Variants in TTC39B observed in about 807,000 individuals in gnomAD.
TTC39B encodes the protein tetratricopeptide repeat domain 39B.
A neutral mutation model predicts 96.6 loss-of-function variants in TTC39B; 92 were observed. The observed-to-expected ratio is 0.95, with a 90% CI of 0.80 to 1.13. The LOEUF is 1.13. Among genes scored for constraint, TTC39B ranks in the 50% most tolerant of loss-of-function variants. The probability of loss-of-function intolerance (pLI) is 0.00; values close to 1 mark genes in which losing one functional copy is unlikely to be tolerated. For missense variants in TTC39B, 955 were observed against 809.3 expected (o/e 1.18, Z -2.18); for synonymous variants, 367 against 299.4 (o/e 1.23, Z -2.33).
At chr9:15,303,926 C>T (rs1278073435) in intron 1 of TTC39B, among the ~76,000 whole-genome samples, 1 of 152,218 alleles carries the variant, frequency 6.6e-6, no homozygotes, top group South Asian at 2.1e-4. Context: ...TGAGCCACCA[C>T]ACCTGGCCTC....
In TTC39B at chr9:15,226,021, T is replaced by C; in HGVS notation, c.276-9A>G. 1 of 1,612,320 alleles carries C rather than the reference T, an allele frequency of 6.2e-7. No individual in the cohort carries two copies. Among genetic ancestry groups the C allele is most frequent in the South Asian group, 1.1e-5 (1 of 91,034 alleles). On this transcript the variant is annotated splice_polypyrimidine_tract_variant and intron_variant, in intron 2 of 19. Transcript: ENST00000512701. ...TATCTGAGTGAGAAGATCTGTTAAT[T>C]AAAAAGGCAGAGCAAGGTTTTTTAT...
At chr9:15,182,371 T>C in exon 17 of TTC39B, 3 of 1,612,222 alleles carry the variant, frequency 1.9e-6, no homozygotes, top group Non-Finnish European at 2.5e-6. Context: ...AAAGGTCTTT[T>C]CTTTTGCTCA....
At chr9:15,295,440 C>T (rs987978657) in intron 1 of TTC39B, among the ~76,000 whole-genome samples, 1 of 152,228 alleles carries the variant, frequency 6.6e-6, no homozygotes, top group Non-Finnish European at 1.5e-5. Flanking sequence ...GTTAGGGAAT[C>T]TAGCTTCTAA....
Position 15,221,358 on chromosome 9 carries a change from G to C in TTC39B, c.371+4559C>G, listed in dbSNP as rs762490183. On this transcript the variant is annotated intron_variant, in intron 3 of 19. Transcript: ENST00000512701. ...CACATTCATATTAATTGATTCTGTG[G>C]GCTATATAACTCATTACAGTCATTA... Among the ~76,000 whole-genome samples, 40 of 152,032 alleles carry C rather than the reference G, an allele frequency of 2.6e-4. 1 individual carries two copies. Among genetic ancestry groups the C allele is most frequent in the Non-Finnish European group, 7.4e-5 (5 of 68,010 alleles).
intron 8 of TTC39B, among the ~76,000 whole-genome samples, chr9:15,199,601 G>A (rs1387269325): frequency 2.0e-5 from 3 of 151,484 alleles, no homozygotes; most frequent in African/African-American, 7.3e-5. Context: ...CGGGCGTGGT[G>A]GCGGGCGCCT....
At chr9:15,189,351 T>C (rs541097271) in intron 13 of TTC39B, among the ~76,000 whole-genome samples, 21 of 152,212 alleles carry the variant, frequency 1.4e-4, no homozygotes, top group Non-Finnish European at 2.6e-4. Context: ...ATGTACTCTA[T>C]GTATAAATGT....
intron 1 of TTC39B, among the ~76,000 whole-genome samples, chr9:15,287,391 G>A (rs3933785): frequency 0.89 from 135,885 of 152,278 alleles, 60,706 homozygotes; most frequent in East Asian, 0.98. Context: ...GAACAGGTCA[G>A]TCGTAACAGA....
intron 1 of TTC39B, among the ~76,000 whole-genome samples, chr9:15,285,337 C>G (rs2798738): frequency 0.019 from 2,843 of 151,254 alleles, 92 homozygotes; most frequent in African/African-American, 0.066. Flanking sequence ...AGTCTCTAGA[C>G]AACTTTTTAA....
chr9:15,292,163 A>G (rs144328643), intron 1 of TTC39B, among the ~76,000 whole-genome samples: 92 of 152,364 alleles, frequency 6.0e-4, no homozygotes, highest in African/African-American at 2.0e-3. Flanking sequence ...ATGCCACAGC[A>G]TGTATGCCAA....
intron 2 of TTC39B, among the ~76,000 whole-genome samples, chr9:15,233,217 G>A (rs959600275): frequency 9.9e-5 from 15 of 152,132 alleles, no homozygotes; most frequent in African/African-American, 3.1e-4. Context: ...GAGAAAACTG[G>A]TTCGAGAAGC....
At chr9:15,272,932 G>A (rs1351168975) in intron 1 of TTC39B, among the ~76,000 whole-genome samples, 1 of 152,126 alleles carries the variant, frequency 6.6e-6, no homozygotes, top group Admixed American at 6.6e-5. Context: ...CTGCCTCCTG[G>A]GAGATCAGCC....
chr9:15,289,230 A>G (rs1306377986), intron 1 of TTC39B, among the ~76,000 whole-genome samples: 1 of 152,256 alleles, frequency 6.6e-6, no homozygotes, highest in African/African-American at 2.4e-5. Context: ...CCTCCCAAAA[A>G]TAAAATGACT....
intron 7 of TTC39B, among the ~76,000 whole-genome samples, chr9:15,201,568 TA>T (rs1489400478): frequency 2.6e-5 from 4 of 152,042 alleles, no homozygotes; most frequent in African/African-American, 9.7e-5. Context: ...GTAAGCAAAG[TA>T]AAACTCAAGT....
intron 2 of TTC39B, among the ~76,000 whole-genome samples, chr9:15,261,690 C>A (rs1232981471): frequency 6.6e-6 from 1 of 152,150 alleles, no homozygotes; most frequent in Non-Finnish European, 1.5e-5. Flanking sequence ...CCTCTACCAA[C>A]TGAAATGCCA....
At chr9:15,204,459 G>A (rs1819730153) in intron 6 of TTC39B, among the ~76,000 whole-genome samples, 4 of 152,064 alleles carry the variant, frequency 2.6e-5, no homozygotes, top group East Asian at 3.9e-4. Context: ...AACCCGGGAG[G>A]TGGAGGTTGC....
intron 2 of TTC39B, among the ~76,000 whole-genome samples, chr9:15,256,705 G>A (rs1270422346): frequency 6.6e-6 from 1 of 152,182 alleles, no homozygotes; most frequent in Non-Finnish European, 1.5e-5. Flanking sequence ...TGAGAGTGGA[G>A]GATGGCCAGC....
At chr9:15,287,522 G>A (rs1295922830) in intron 1 of TTC39B, among the ~76,000 whole-genome samples, 1 of 152,090 alleles carries the variant, frequency 6.6e-6, no homozygotes, top group African/African-American at 2.4e-5. Context: ...AAATGTCAGA[G>A]CCTAATCTAT....
At chr9:15,211,097 G>A (rs546680518) in intron 5 of TTC39B, among the ~76,000 whole-genome samples, 169 bp downstream of exon 5, 1 of 151,218 alleles carries the variant, frequency 6.6e-6, no homozygotes, top group Non-Finnish European at 1.5e-5. Context: ...AAGAAAAGTG[G>A]AATATGTAGA....
chr9:15,195,216 C>T (rs565654012), intron 8 of TTC39B, among the ~76,000 whole-genome samples: 1 of 152,290 alleles, frequency 6.6e-6, no homozygotes, highest in Non-Finnish European at 1.5e-5. Context: ...CTGGATAGAA[C>T]AAACCACCCA....
Sources: gnomAD v4.1 joint callset for allele counts (sites outside exome capture counted in the v4.1 genomes callset) on GRCh38, gnomAD v4.1.1 for gene constraint, MANE v1.5 for transcripts, NCBI Gene and HGNC (gene_info 2026-07-23, HGNC 2026-07-21) for gene names.